Variants in SLC35F4 observed in about 807,000 individuals in gnomAD.
SLC35F4 encodes the protein chromosome 14 open reading frame 36.
A neutral mutation model predicts 44.2 loss-of-function variants in SLC35F4; 24 were observed. The observed-to-expected ratio is 0.54, with a 90% confidence interval of 0.39 to 0.76. The LOEUF (loss-of-function observed/expected upper bound fraction) is 0.76, where lower values mean the gene tolerates loss of function less well. SLC35F4 is among the 30% of genes least tolerant of loss of function. The probability of loss-of-function intolerance (pLI) is 0.00; values close to 1 mark genes in which losing one functional copy is unlikely to be tolerated. For synonymous variants in SLC35F4, 238 were observed against 223.6 expected (o/e 1.06, Z -0.57); for missense variants, 562 against 586.1 (o/e 0.96, Z 0.42).
chr14:57,785,201 A>T (rs762263439), intron 1 of SLC35F4, among the ~76,000 whole-genome samples: 12 of 152,274 alleles, frequency 7.9e-5, no homozygotes, highest in Middle Eastern at 3.4e-3. Context: ...AGCCTCGGTT[A>T]CCTGAAGTTT....
chr14:57,913,018 C>T (rs534581805), intron 1 of SLC35F4, among the ~76,000 whole-genome samples: 4 of 152,096 alleles, frequency 2.6e-5, no homozygotes, highest in African/African-American at 7.2e-5. Context: ...TTATGTAATG[C>T]CCCTCTTTAT....
At chr14:57,728,913 A>G (rs1057456039) in intron 1 of SLC35F4, among the ~76,000 whole-genome samples, 15 of 152,298 alleles carry the variant, frequency 9.8e-5, no homozygotes, top group African/African-American at 3.6e-4. Flanking sequence ...TGCTCAAAGA[A>G]TATTTTCACC....
chr14:57,845,502 C>T lies in SLC35F4; in HGVS notation c.103+20221G>A, dbSNP rs8010218. Among the ~76,000 whole-genome samples, 3,638 of 152,268 alleles carry T rather than the reference C, an allele frequency of 0.024. 441 individuals carry two copies. In the East Asian group the frequency reaches 0.39, roughly 16 times the overall value. ...TGTGTGCTATGGTTTATTATTCAAG[C>T]CTCAAACATTACTCTGCAAACAATT... is the stretch of plus-strand genomic sequence containing the variant. On this transcript the variant is annotated intron_variant, in intron 1 of 7. Transcript: ENST00000556826.
At chr14:57,929,461 T>A (rs568567121) in intron 1 of SLC35F4, among the ~76,000 whole-genome samples, 2 of 151,970 alleles carry the variant, frequency 1.3e-5, no homozygotes, top group Non-Finnish European at 2.9e-5. Context: ...CTTGACAGGG[T>A]TAAGTTCACC....
chr14:57,681,441 A>G (rs529354974), intron 1 of SLC35F4, among the ~76,000 whole-genome samples: 1 of 152,120 alleles, frequency 6.6e-6, no homozygotes, highest in South Asian at 2.1e-4. Context: ...CTAGGCCATG[A>G]CATTCAGGAC....
chr14:57,848,980 A>G (rs903560544), intron 1 of SLC35F4, among the ~76,000 whole-genome samples: 1 of 152,042 alleles, frequency 6.6e-6, no homozygotes, highest in South Asian at 2.1e-4. Context: ...AATCTGACCC[A>G]AGAGTCTCAT....
intron 1 of SLC35F4, among the ~76,000 whole-genome samples, chr14:57,618,200 T>C (rs76583927): frequency 1.3e-5 from 2 of 152,208 alleles, no homozygotes; most frequent in East Asian, 3.8e-4. Flanking sequence ...AGACCTATTA[T>C]GTATATTTGG....
chr14:57,754,814 G>T (rs570635948), intron 1 of SLC35F4, among the ~76,000 whole-genome samples: 1 of 152,344 alleles, frequency 6.6e-6, no homozygotes, highest in South Asian at 2.1e-4. Flanking sequence ...AAACCAGGAG[G>T]CAGAGACACG....
intron 1 of SLC35F4, among the ~76,000 whole-genome samples, chr14:57,692,689 A>C (rs2075270213): frequency 6.6e-6 from 1 of 152,094 alleles, no homozygotes; most frequent in Non-Finnish European, 1.5e-5. Flanking sequence ...AGCCTTGATA[A>C]ATTCTCATGT....
chr14:57,700,876 A>AGCCT (rs1317095785), intron 1 of SLC35F4, among the ~76,000 whole-genome samples: 1 of 152,176 alleles, frequency 6.6e-6, no homozygotes, highest in Non-Finnish European at 1.5e-5. Flanking sequence ...ATCGCACTTC[A>AGCCT]GCCTGGGTGA....
At chr14:57,903,958 A>C (rs989800770) in intron 1 of SLC35F4, among the ~76,000 whole-genome samples, 3 of 152,260 alleles carry the variant, frequency 2.0e-5, no homozygotes, top group Non-Finnish European at 4.4e-5. Flanking sequence ...AAACAACTTA[A>C]TTAACTGGCT....
At chr14:57,620,668 AT>A (rs2072128046) in intron 1 of SLC35F4, among the ~76,000 whole-genome samples, 1 of 152,078 alleles carries the variant, frequency 6.6e-6, no homozygotes, top group Non-Finnish European at 1.5e-5. Flanking sequence ...TTTGTCATAG[AT>A]AGCTCTTATT....
intron 1 of SLC35F4, among the ~76,000 whole-genome samples, chr14:57,886,420 A>G (rs976541327): frequency 7.2e-5 from 11 of 152,316 alleles, no homozygotes; most frequent in African/African-American, 2.6e-4. Context: ...TAAAGTGGGC[A>G]ATATCCTAAA....
intron 1 of SLC35F4, among the ~76,000 whole-genome samples, chr14:57,619,813 G>A (rs1277082289): frequency 6.6e-6 from 1 of 152,030 alleles, no homozygotes; most frequent in African/African-American, 2.4e-5. Context: ...TAGGCAAATT[G>A]CTAAGTAGAA....
At chr14:57,707,714 C>T (rs994495140) in intron 1 of SLC35F4, among the ~76,000 whole-genome samples, 1 of 152,142 alleles carries the variant, frequency 6.6e-6, no homozygotes, top group African/African-American at 2.4e-5. Context: ...GAGGTTGCAA[C>T]AGTTTGGAGG....
At chr14:57,954,090 G>A (rs1890193026) in intron 1 of SLC35F4, among the ~76,000 whole-genome samples, 1 of 152,186 alleles carries the variant, frequency 6.6e-6, no homozygotes, top group Non-Finnish European at 1.5e-5. Flanking sequence ...TCAGACCACA[G>A]TGCAATCAAA....
intron 1 of SLC35F4, among the ~76,000 whole-genome samples, chr14:57,892,555 T>C (rs901039163): frequency 1.3e-5 from 2 of 152,204 alleles, no homozygotes; most frequent in African/African-American, 4.8e-5. Context: ...GAAACCTGCC[T>C]GGCAGATATT....
At chr14:57,641,699 T>C (rs969284278) in intron 1 of SLC35F4, among the ~76,000 whole-genome samples, 6 of 151,968 alleles carry the variant, frequency 3.9e-5, no homozygotes, top group Non-Finnish European at 5.9e-5. Context: ...AAACAAAATT[T>C]ATAAAAGTTT....
chr14:57,585,026 T>C (rs549760267), intron 3 of SLC35F4, among the ~76,000 whole-genome samples: 53 of 152,206 alleles, frequency 3.5e-4, no homozygotes, highest in Non-Finnish European at 6.9e-4. Flanking sequence ...AAAATATCTT[T>C]AGTAATCTCA....
Sources: allele counts gnomAD v4.1 joint callset (sites outside exome capture counted in the v4.1 genomes callset), GRCh38; gene constraint gnomAD v4.1.1; transcripts MANE v1.5; gene names NCBI Gene and HGNC (gene_info 2026-07-23, HGNC 2026-07-21).